The following EBF1 variants were observed in gnomAD, a reference collection of about 807,000 sequenced individuals.
EBF1 encodes EBF transcription factor 1.
A neutral mutation model predicts 68.4 loss-of-function variants in EBF1; 10 were observed. The ratio of observed to expected loss-of-function variants is 0.15; its 90% CI spans 0.09 to 0.25. The LOEUF (loss-of-function observed/expected upper bound fraction) is 0.25. EBF1 is among the 10% of genes least tolerant of loss of function. The pLI is 1.00. For synonymous variants in EBF1, 298 were observed against 299.8 expected (o/e 0.99, Z 0.06); for missense variants, 509 against 794.4 (o/e 0.64, Z 4.32).
intron 6 of EBF1, among the ~76,000 whole-genome samples, chr5:159,050,189 T>C (rs199632676): frequency 2.1e-5 from 3 of 145,166 alleles, no homozygotes; most frequent in South Asian, 2.3e-4. Context: ...TCTTCTCTCT[T>C]TTCTCTCTCT....
intron 10 of EBF1, among the ~76,000 whole-genome samples, chr5:158,752,909 T>G (rs1320101401): frequency 2.0e-5 from 3 of 152,074 alleles, no homozygotes; most frequent in Non-Finnish European, 4.4e-5. Flanking sequence ...TTTGGAAAGT[T>G]AAGTGAAAAA....
chr5:158,771,934 C>T (rs1241514098), intron 10 of EBF1, among the ~76,000 whole-genome samples: 1 of 152,202 alleles, frequency 6.6e-6, no homozygotes, highest in East Asian at 1.9e-4. Context: ...TCAGAGAACA[C>T]TTCAGAGAGG....
In EBF1 at chr5:158,712,992, C is replaced by A; in HGVS notation, c.1347G>T (p.Glu449Asp). 1 of 1,515,746 alleles carries A rather than the reference C, an allele frequency of 6.6e-7. No homozygotes were observed. The allele number at this position is 1,515,746 out of a possible 1,614,324, so 93.9% of individuals were successfully genotyped here. The change falls in exon 13 of 16, where the codon GAG (glutamate) becomes GAT (aspartate). Residue 449 changes from glutamate (E) to aspartate (D), a missense_variant. Glu to Asp is a conservative substitution (Grantham distance 45). Coordinates refer to ENST00000313708, the MANE Select transcript of EBF1 (RefSeq NM_024007.5). ...FSGQLAVNVS[E>D]ASQATNQGFT... Reference sequence around the variant, plus strand: ...GACCCTGATTGGTGGCTTGTGATGCCTCGGAGACATTCACGGCCAGTTGTC... The same window carrying A: ...GACCCTGATTGGTGGCTTGTGATGCATCGGAGACATTCACGGCCAGTTGTC...
At chr5:158,839,233 A>G (rs1789605732) in intron 7 of EBF1, among the ~76,000 whole-genome samples, 1 of 152,234 alleles carries the variant, frequency 6.6e-6, no homozygotes. Context: ...TATGCTTCTT[A>G]ACAGGGCCAT....
At chr5:158,963,385 T>C (rs1753444037) in intron 6 of EBF1, among the ~76,000 whole-genome samples, 1 of 152,238 alleles carries the variant, frequency 6.6e-6, no homozygotes, top group African/African-American at 2.4e-5. Flanking sequence ...ATCTCCTACA[T>C]TGGATGACAG....
At chr5:159,074,698 G>A (rs951353839) in intron 5 of EBF1, among the ~76,000 whole-genome samples, 2 of 152,196 alleles carry the variant, frequency 1.3e-5, no homozygotes, top group African/African-American at 4.8e-5. Flanking sequence ...AAGAGAATTA[G>A]TCTCCACTCT....
chr5:158,965,545 C>G (rs144875110), intron 6 of EBF1, among the ~76,000 whole-genome samples: 2 of 152,152 alleles, frequency 1.3e-5, no homozygotes, highest in African/African-American at 2.4e-5. Context: ...CACGGTGATT[C>G]ACTTATGCAA....
intron 6 of EBF1, among the ~76,000 whole-genome samples, chr5:158,934,221 A>G (rs771474299): frequency 1.3e-5 from 2 of 152,180 alleles, no homozygotes; most frequent in Non-Finnish European, 2.9e-5. Flanking sequence ...CTTTAGAACC[A>G]TGTGTCATTT....
chr5:158,974,400 A>G (rs1310506772), intron 6 of EBF1, among the ~76,000 whole-genome samples: 1 of 152,188 alleles, frequency 6.6e-6, no homozygotes, highest in Non-Finnish European at 1.5e-5. Flanking sequence ...CATTGCAAAA[A>G]TCCTCAACTC....
At chr5:158,982,613 A>C (rs1758110260) in intron 6 of EBF1, among the ~76,000 whole-genome samples, 1 of 152,178 alleles carries the variant, frequency 6.6e-6, no homozygotes. Flanking sequence ...CCCTGTTGAC[A>C]AGGCATTCAC....
At chr5:159,018,346 G>T (rs1766010252) in intron 6 of EBF1, among the ~76,000 whole-genome samples, 1 of 152,148 alleles carries the variant, frequency 6.6e-6, no homozygotes, top group African/African-American at 2.4e-5. Flanking sequence ...ACTTCAGAAA[G>T]TCTAAAAAAT....
chr5:158,749,829 C>A (rs1261390838), intron 10 of EBF1, among the ~76,000 whole-genome samples: 1 of 152,030 alleles, frequency 6.6e-6, no homozygotes, highest in East Asian at 1.9e-4. Context: ...CATTAGCCTG[C>A]TAGAATATTT....
chr5:158,726,115 T>A (rs1429291781), intron 11 of EBF1, among the ~76,000 whole-genome samples: 1 of 152,226 alleles, frequency 6.6e-6, no homozygotes, highest in African/African-American at 2.4e-5. Flanking sequence ...CTCGAATGTA[T>A]AAAAGCTTTA....
intron 6 of EBF1, among the ~76,000 whole-genome samples, chr5:159,005,347 C>T (rs1277073595): frequency 6.6e-6 from 1 of 152,128 alleles, no homozygotes; most frequent in Non-Finnish European, 1.5e-5. Flanking sequence ...AGAGTGTATG[C>T]ACTTTTGCTT....
intron 10 of EBF1, among the ~76,000 whole-genome samples, chr5:158,733,064 G>A (rs1764445174): frequency 6.6e-6 from 1 of 152,100 alleles, no homozygotes; most frequent in African/African-American, 2.4e-5. Flanking sequence ...TAGACTTGTA[G>A]AGAAAATGCC....
chr5:158,722,487 GTA>G (rs1387531903), intron 11 of EBF1, among the ~76,000 whole-genome samples: 1 of 151,980 alleles, frequency 6.6e-6, no homozygotes, highest in African/African-American at 2.4e-5. Flanking sequence ...GGATGTGTTT[GTA>G]TGTTTGGTGT....
intron 6 of EBF1, among the ~76,000 whole-genome samples, chr5:158,861,813 AT>A (rs1242404485): frequency 6.6e-6 from 1 of 151,426 alleles, no homozygotes; most frequent in Non-Finnish European, 1.5e-5. Flanking sequence ...TAGTGTCTAG[AT>A]TTTTTTCTTA....
chr5:158,849,991 A>G (rs1792317476), intron 6 of EBF1, among the ~76,000 whole-genome samples: 1 of 152,242 alleles, frequency 6.6e-6, no homozygotes, highest in Non-Finnish European at 1.5e-5. Context: ...TAAAATGTAC[A>G]TCATTTATTA....
chr5:159,086,960 A>T (rs1307107861), intron 4 of EBF1, among the ~76,000 whole-genome samples: 2 of 152,114 alleles, frequency 1.3e-5, no homozygotes, highest in Non-Finnish European at 2.9e-5. Context: ...CAAAAATTAC[A>T]TCTGCCTGCT....
Sources: allele counts gnomAD v4.1 joint callset (sites outside exome capture counted in the v4.1 genomes callset), GRCh38; gene constraint gnomAD v4.1.1; transcripts MANE v1.5; gene names NCBI Gene and HGNC (gene_info 2026-07-23, HGNC 2026-07-21).